The following RUVBL1 variants were observed in gnomAD, a reference collection of about 807,000 sequenced individuals.
RUVBL1 encodes ruvB-like 1.
In RUVBL1, 4 loss-of-function variants were observed where a neutral mutation model predicts 52.4. The ratio of observed to expected loss-of-function variants is 0.08; its 90% CI spans 0.04 to 0.17. RUVBL1 has a LOEUF of 0.17. RUVBL1 is among the 10% of genes least tolerant of loss of function. The pLI is 1.00. For missense variants in RUVBL1, 298 were observed against 572.8 expected (o/e 0.52, Z 4.90); for synonymous variants, 217 against 214.4 (o/e 1.01, Z -0.10).
intron 1 of RUVBL1, 138 bp downstream of exon 1, chr3:128,123,446 C>G: frequency 8.9e-7 from 1 of 1,123,366 alleles, no homozygotes; most frequent in Non-Finnish European, 1.2e-6. Context: ...GAGCCCCTGG[C>G]CCATTTTCAC....
At position 128,081,525 on chromosome 3, in the gene RUVBL1, G is replaced by T; in HGVS notation, c.1212-116C>A. The T allele has an allele frequency of 9.4e-7, 1 of 1,065,032 alleles. No homozygotes were observed. The highest frequency in any genetic ancestry group is 1.3e-6 in the Non-Finnish European group (1 of 744,284). 66.0% of individuals were successfully genotyped at this position (1,065,032 alleles called of 1,614,324 possible). ...GAGCAGAGCCCAGTGCTGGGCTTGT[G>T]CCAGCTGCTACGAACACAGAAAAGG... On this transcript the variant is annotated intron_variant, in intron 10 of 10. Transcript: ENST00000322623. This position sits in a 1 kb window ranked among gnomAD's most constrained non-coding sequence, Gnocchi z 4.8.
In RUVBL1 at chr3:128,081,191, G is replaced by A. The variant is rs1379077429; in HGVS notation, c.*59C>T. The A allele has an allele frequency of 1.3e-6, 2 of 1,570,712 alleles. No homozygotes were observed. Among genetic ancestry groups the A allele is most frequent in the Admixed American group, 1.7e-5 (1 of 58,516 alleles). ...CCAAGCCCAGGGGCAAGCGCCCACA[G>A]GCTGGACCCAGGCCAGGCACACCTG... On this transcript the variant is annotated 3_prime_UTR_variant, in exon 11 of 11. Transcript: ENST00000322623. This position sits in a 1 kb window ranked among gnomAD's most constrained non-coding sequence, Gnocchi z 4.8.
chr3:128,091,654 G>C (rs763195578), intron 8 of RUVBL1, among the ~76,000 whole-genome samples: 1 of 152,166 alleles, frequency 6.6e-6, no homozygotes, highest in African/African-American at 2.4e-5. Flanking sequence ...CAACATGGCT[G>C]ACTCATTTGT....
chr3:128,115,190 CA>C (rs1943494551), intron 2 of RUVBL1, among the ~76,000 whole-genome samples: 1 of 152,062 alleles, frequency 6.6e-6, no homozygotes, highest in Non-Finnish European at 1.5e-5. Flanking sequence ...GAAACAAACT[CA>C]AAAGTTACCA....
chr3:128,147,241 T>G (rs961625961), intron 1 of RUVBL1, among the ~76,000 whole-genome samples: 8 of 152,092 alleles, frequency 5.3e-5, no homozygotes, highest in African/African-American at 1.9e-4. Context: ...GGCTAATTTT[T>G]GTGTTTTTTG....
chr3:128,077,804 T>C (rs765377213), downstream of RUVBL1, among the ~76,000 whole-genome samples: 7 of 152,224 alleles, frequency 4.6e-5, no homozygotes, highest in Non-Finnish European at 8.8e-5. Context: ...GGGCAGGGCC[T>C]AGCAGGCTGC....
chr3:128,134,458 CAAA>C (rs55972505), intron 1 of RUVBL1, among the ~76,000 whole-genome samples: 11 of 107,558 alleles, frequency 1.0e-4, no homozygotes, highest in East Asian at 5.5e-4. Flanking sequence ...GTGAAACTGT[CAAA>C]AAAAAAAAAA....
intron 9 of RUVBL1, among the ~76,000 whole-genome samples, 171 bp downstream of exon 9, chr3:128,087,535 A>G (rs752896575): frequency 7.9e-5 from 12 of 152,190 alleles, no homozygotes; most frequent in Non-Finnish European, 1.3e-4. Context: ...TCCATCTTTC[A>G]GATGGGGAGA....
downstream of RUVBL1, among the ~76,000 whole-genome samples, chr3:128,079,675 G>A (rs1942418723): frequency 6.6e-6 from 1 of 152,218 alleles, no homozygotes; most frequent in Non-Finnish European, 1.5e-5. Flanking sequence ...GTCTCCTCAG[G>A]GGCCAGGCCG....
chr3:128,139,258 C>T (rs1307251006), intron 1 of RUVBL1, among the ~76,000 whole-genome samples: 1 of 152,096 alleles, frequency 6.6e-6, no homozygotes, highest in Non-Finnish European at 1.5e-5. Flanking sequence ...GAAGAGACAA[C>T]CCACAGAATG....
At chr3:128,110,838 A>G (rs1943371625) in intron 3 of RUVBL1, among the ~76,000 whole-genome samples, 1 of 152,180 alleles carries the variant, frequency 6.6e-6, no homozygotes, top group African/African-American at 2.4e-5. Flanking sequence ...TTTATAAAAA[A>G]TACTTCATAA....
chr3:128,076,039 CCT>C (rs1214469300), downstream of RUVBL1: 1 of 152,934 alleles, frequency 6.5e-6, no homozygotes, highest in Non-Finnish European at 1.5e-5. The surrounding 1 kb of genome is among the most constrained non-coding windows in gnomAD (Gnocchi z 6.8). Flanking sequence ...CCTCCGGCCC[CCT>C]CTCTGCACAC....
chr3:128,151,111 GTATATATTCTATATATATTCTA>G (rs1341020047), intron 1 of RUVBL1, among the ~76,000 whole-genome samples: 15 of 106,516 alleles, frequency 1.4e-4, no homozygotes, highest in African/African-American at 5.6e-4. Flanking sequence ...TATATATTCT[GTATATATTCTATATATATTCTA>G]TATATATTCT....
chr3:128,127,980 G>C (rs143614060), upstream of RUVBL1, among the ~76,000 whole-genome samples: 33 of 152,194 alleles, frequency 2.2e-4, no homozygotes, highest in African/African-American at 7.0e-4. Context: ...CTGGGCGACA[G>C]AGTGAGACCC....
At chr3:128,130,969 A>G (rs1250163547) in intron 1 of RUVBL1, among the ~76,000 whole-genome samples, 1 of 150,876 alleles carries the variant, frequency 6.6e-6, no homozygotes, top group African/African-American at 2.4e-5. Flanking sequence ...TTTCAATTTT[A>G]TTTGCCAGGC....
chr3:128,118,343 A>G (rs1292186276), intron 2 of RUVBL1, among the ~76,000 whole-genome samples: 1 of 152,240 alleles, frequency 6.6e-6, no homozygotes, highest in African/African-American at 2.4e-5. Context: ...ATACACAATC[A>G]GTAATCATTT....
chr3:128,065,122 G>T, exon 10 of RUVBL1: 1 of 1,362,318 alleles, frequency 7.3e-7, no homozygotes, highest in Non-Finnish European at 1.1e-6. Context: ...CACTCTGTGG[G>T]GTGCACTGTC....
intron 3 of RUVBL1, 82 bp downstream of exon 3, chr3:128,112,806 G>A (rs1943425692): frequency 6.8e-7 from 1 of 1,467,598 alleles, no homozygotes; most frequent in South Asian, 1.3e-5. Context: ...CAGTCATAAA[G>A]GCATCTTCAC....
upstream of RUVBL1, chr3:128,123,947 T>C: frequency 8.1e-7 from 1 of 1,231,730 alleles, no homozygotes; most frequent in Non-Finnish European, 1.0e-6. Context: ...CGTCTGTGTC[T>C]CCGGGTTGGC....
Sources: gnomAD v4.1 joint callset for allele counts (sites outside exome capture counted in the v4.1 genomes callset) on GRCh38, gnomAD v4.1.1 for gene constraint, Gnocchi (gnomAD v3.1) non-coding constraint, MANE v1.5 for transcripts, NCBI Gene and HGNC (gene_info 2026-07-23, HGNC 2026-07-21) for gene names.